Variants in CRISP3 observed in about 807,000 individuals in gnomAD.
CRISP3 encodes cysteine-rich secretory protein 3.
CRISP3 carries 33 observed loss-of-function variants against 36.1 expected under a neutral mutation model. The ratio of observed to expected loss-of-function variants is 0.91; its 90% CI spans 0.69 to 1.22. The LOEUF (loss-of-function observed/expected upper bound fraction) is 1.22, where lower values mean the gene tolerates loss of function less well. Ranked by LOEUF, CRISP3 falls within the 50% of genes most tolerant of loss-of-function variation. CRISP3 has a pLI of 0.00. For synonymous variants in CRISP3, 117 were observed against 104.6 expected, an observed-to-expected ratio of 1.12 and a Z score of -0.72; for missense variants, 330 against 301.2, an observed-to-expected ratio of 1.10 and a Z score of -0.71.
chr6:49,741,116 C>T (rs1252355707), intron 1 of CRISP3, among the ~76,000 whole-genome samples: 1 of 84,082 alleles, frequency 1.2e-5, no homozygotes, highest in Non-Finnish European at 2.6e-5. Context: ...AAACAAAAAA[C>T]AAACAAACAA....
rs575767528 is a variant in CRISP3 at position 49,732,463 on chromosome 6, T to C, written c.560+732A>G. ...AAGGAAATTAAAGCTAATAGATATG[T>C]TGTGAATATATCTTCAATATATCCA... On this transcript the variant is annotated intron_variant, in intron 6 of 7. Coordinates refer to ENST00000263045, the MANE Select transcript of CRISP3 (RefSeq NM_006061.4). 3.9e-5 allele frequency among the ~76,000 whole-genome samples: 6 copies of C among 152,310 alleles called. No homozygotes were observed. In the South Asian group the frequency reaches 1.0e-3, roughly 26 times the overall value.
At chr6:49,730,426 G>A (rs933200401) in intron 7 of CRISP3, among the ~76,000 whole-genome samples, 1 of 152,066 alleles carries the variant, frequency 6.6e-6, no homozygotes, top group African/African-American at 2.4e-5. Context: ...GAGGAAGTTA[G>A]TATGATAAGT....
chr6:49,739,001 G>GAAA (rs78282683), intron 1 of CRISP3, among the ~76,000 whole-genome samples: 1 of 145,218 alleles, frequency 6.9e-6, no homozygotes, highest in Non-Finnish European at 1.5e-5. Context: ...CTTGAAGTCT[G>GAAA]AAAAAAAAAA....
Position 49,737,391 on chromosome 6 carries a change from T to G in CRISP3, c.45A>C (p.Thr15=). The G allele has an allele frequency of 6.2e-7, 1 of 1,614,002 alleles. No individual in the cohort carries two copies. Among genetic ancestry groups the G allele is most frequent in the Non-Finnish European group, 8.5e-7 (1 of 1,179,936 alleles). ...CCAGGAACAACAGCACTGGGAATAA[T>G]GTCATTGCTGGGAAAACAAAACCGG... ...LHPALETTAM[T]LFPVLLFLVA... is the part of the protein sequence containing the mutation. The change falls in exon 2 of 8, where the codon ACA becomes ACC. Residue 15 remains threonine, a synonymous_variant. Transcript: ENST00000263045.
At chr6:49,742,266 C>G (rs1769225044) in intron 1 of CRISP3, among the ~76,000 whole-genome samples, 1 of 152,136 alleles carries the variant, frequency 6.6e-6, no homozygotes, top group Non-Finnish European at 1.5e-5. Context: ...CAATCCTAAA[C>G]TAACCTGATA....
At position 49,739,785 on chromosome 6, in the gene CRISP3, C is replaced by G. The variant is rs184406930; in HGVS notation, c.38-2387G>C. The stretch of plus-strand genomic sequence containing the variant: ...AAGAATGAAAAAAAAATAGCCTCTC[C>G]TGTCATTCACTTCCATGAAGCAATT... On this transcript the variant is annotated intron_variant, in intron 1 of 7. Coordinates refer to ENST00000263045, the MANE Select transcript of CRISP3 (RefSeq NM_006061.4). Among the ~76,000 whole-genome samples the G allele has an allele frequency of 1.5e-3, 235 of 152,204 alleles. 2 individuals are homozygous for G. Among genetic ancestry groups the G allele is most frequent in the Non-Finnish European group, 7.2e-4 (49 of 67,994 alleles).
At position 49,737,129 on chromosome 6, in the gene CRISP3, C is replaced by A. The variant is rs368854882; in HGVS notation, c.111+196G>T. ...GTCATTTAATTAATGAACTTCAATA[C>A]CCTCATGTGGCTAGGGGCTACCATA... On this transcript the variant is annotated intron_variant, in intron 2 of 7. Transcript: ENST00000263045. Among the ~76,000 whole-genome samples the A allele has an allele frequency of 1.1e-3, 164 of 152,072 alleles. 1 individual carries two copies. The highest frequency in any genetic ancestry group is 6.8e-3 in the Middle Eastern group (2 of 294).
intron 1 of CRISP3, 74 bp from the exon 2 acceptor site, chr6:49,737,472 T>A: frequency 6.7e-7 from 1 of 1,494,802 alleles, no homozygotes. Context: ...AACATGGGGG[T>A]GGGAGAAACG....
intron 1 of CRISP3, among the ~76,000 whole-genome samples, chr6:49,741,111 A>G (rs1416676940): frequency 7.2e-6 from 1 of 139,792 alleles, no homozygotes; most frequent in Non-Finnish European, 1.5e-5. Flanking sequence ...ACAAAAAACA[A>G]AAAACAAACA....
At chr6:49,742,964 C>T (rs145684572) in intron 1 of CRISP3, among the ~76,000 whole-genome samples, 1 of 152,276 alleles carries the variant, frequency 6.6e-6, no homozygotes, top group Admixed American at 6.5e-5. Flanking sequence ...AAACTAGTCA[C>T]AGCACAGAAA....
Position 49,735,525 on chromosome 6 carries a change from T to C in CRISP3, c.295A>G (p.Asn99Asp). ...ATACTTGTCATTCGATCCTTTGGGT[T>C]ACTGTGTCTGTAATTGCACTGGTTT... ...WANQCNYRHS[N>D]PKDRMTSLKC... Residue 99 changes from asparagine (N) to aspartate (D), a missense_variant, in exon 4 of 8, where the codon AAC becomes GAC. Physicochemically the swap from Asn to Asp is conservative, Grantham distance 23. Coordinates refer to ENST00000263045, the MANE Select transcript of CRISP3 (RefSeq NM_006061.4). 1.2e-6 allele frequency: 2 copies of C among 1,611,980 alleles called. No homozygotes were observed. The highest frequency in any genetic ancestry group is 1.7e-6 in the Non-Finnish European group (2 of 1,178,670).
At chr6:49,743,368 C>T (rs1234774685) in intron 1 of CRISP3, among the ~76,000 whole-genome samples, 1 of 152,158 alleles carries the variant, frequency 6.6e-6, no homozygotes, top group African/African-American at 2.4e-5. Context: ...AACTCCCAGG[C>T]TTGAAACTTG....
At chr6:49,729,348 A>G (rs1189508909) in intron 7 of CRISP3, among the ~76,000 whole-genome samples, 1 of 152,144 alleles carries the variant, frequency 6.6e-6, no homozygotes, top group East Asian at 1.9e-4. Context: ...AGAAAGTTAT[A>G]TTGGACACAG....
intron 6 of CRISP3, among the ~76,000 whole-genome samples, chr6:49,731,975 T>G (rs1430591789): frequency 2.0e-5 from 3 of 152,220 alleles, no homozygotes; most frequent in African/African-American, 7.2e-5. Flanking sequence ...CATTGATGAT[T>G]ATTTTCCTAT....
rs968510085 is a variant in CRISP3, at chr6:49,728,007, C to G, written c.*723G>C. 4 of 152,094 alleles carry G rather than the reference C, an allele frequency of 2.6e-5. No individual in the cohort carries two copies. Among genetic ancestry groups the G allele is most frequent in the African/African-American group, 7.2e-5 (3 of 41,434 alleles). The allele number at this position is 152,094 out of a possible 1,614,324, so 9.4% of individuals were successfully genotyped here. A position where few individuals can be genotyped will look rare whatever the true frequency, so the allele number is the denominator to read the frequency against. On this transcript the variant is annotated 3_prime_UTR_variant, in exon 8 of 8. Coordinates refer to ENST00000263045, the MANE Select transcript of CRISP3 (RefSeq NM_006061.4). ...GACTCACAAGGGAGAGGACTGAGTT[C>G]TACCTCCTTGAGTGGAGGGTATTTA...
At chr6:49,738,883 C>A (rs1431205528) in intron 1 of CRISP3, among the ~76,000 whole-genome samples, 1 of 152,014 alleles carries the variant, frequency 6.6e-6, no homozygotes. Flanking sequence ...CCATTTGTAT[C>A]ACTTTTTCAA....
At chr6:49,732,199 A>G (rs1211335985) in intron 6 of CRISP3, among the ~76,000 whole-genome samples, 1 of 152,152 alleles carries the variant, frequency 6.6e-6, no homozygotes, top group Non-Finnish European at 1.5e-5. Flanking sequence ...CTCTCACTTC[A>G]GATGCTGACT....
intron 1 of CRISP3, 47 bp downstream of exon 1, chr6:49,744,284 C>T: frequency 2.2e-6 from 3 of 1,364,630 alleles, no homozygotes; most frequent in South Asian, 2.5e-5. Flanking sequence ...TGTTGTTCAC[C>T]TTGAAATAAA....
intron 2 of CRISP3, among the ~76,000 whole-genome samples, chr6:49,736,957 C>T (rs1582195303): frequency 6.6e-6 from 1 of 152,180 alleles, no homozygotes; most frequent in South Asian, 2.1e-4. Context: ...AGAAAAAATG[C>T]TTAGGCTCAG....
Sources: allele counts gnomAD v4.1 joint callset (sites outside exome capture counted in the v4.1 genomes callset), GRCh38; gene constraint gnomAD v4.1.1; transcripts MANE v1.5; gene names NCBI Gene and HGNC (gene_info 2026-07-23, HGNC 2026-07-21).